WAPL: variants seen among roughly 807,000 people sequenced by gnomAD.
WAPL encodes wings apart-like protein homolog.
A neutral mutation model predicts 121.0 loss-of-function variants in WAPL; 5 were observed. That is an observed-to-expected ratio of 0.04 (90% CI 0.02 to 0.09). The LOEUF (loss-of-function observed/expected upper bound fraction) is 0.09. WAPL is among the 10% of genes least tolerant of loss of function. WAPL has a pLI of 1.00. For missense variants in WAPL, 999 were observed against 1,410.8 expected, an observed-to-expected ratio of 0.71 and a Z score of 4.68; for synonymous variants, 480 against 481.5, an observed-to-expected ratio of 1.00 and a Z score of 0.04.
chr10:86,476,452 G>GC (rs546277449), intron 4 of WAPL, among the ~76,000 whole-genome samples: 79 of 152,142 alleles, frequency 5.2e-4, no homozygotes, highest in African/African-American at 1.5e-3. Context: ...ACTTTGGGAG[G>GC]CCAAGGCAGG....
intron 4 of WAPL, among the ~76,000 whole-genome samples, chr10:86,475,913 G>A (rs1389713953): frequency 6.6e-6 from 1 of 152,324 alleles, no homozygotes; most frequent in African/African-American, 2.4e-5. Flanking sequence ...AGGCACAGTG[G>A]CTCATGCCAG....
At chr10:86,506,615 C>T (rs1436470026) in intron 2 of WAPL, among the ~76,000 whole-genome samples, 1 of 152,016 alleles carries the variant, frequency 6.6e-6, no homozygotes, top group Non-Finnish European at 1.5e-5. Flanking sequence ...AAGCAAGACT[C>T]TCTCTACAAA....
At chr10:86,482,073 G>A (rs1213451171) in intron 4 of WAPL, among the ~76,000 whole-genome samples, 1 of 152,196 alleles carries the variant, frequency 6.6e-6, no homozygotes, top group Non-Finnish European at 1.5e-5. Flanking sequence ...GCAGGGTGGA[G>A]TAGGGCAAGG....
chr10:86,462,634 T>A (rs993016181), intron 9 of WAPL, among the ~76,000 whole-genome samples: 2 of 150,322 alleles, frequency 1.3e-5, no homozygotes, highest in African/African-American at 4.9e-5. Context: ...GCAGGAGGAA[T>A]TGCTTGAACC....
At chr10:86,443,386 T>C in intron 16 of WAPL, 23 bp from the exon 17 acceptor site, 10 of 1,608,420 alleles carry the variant, frequency 6.2e-6, no homozygotes, top group Non-Finnish European at 8.5e-6. Context: ...AAGTAAAGAA[T>C]TGTAACAGTA....
intron 17 of WAPL, among the ~76,000 whole-genome samples, chr10:86,438,442 C>T (rs1435770515): frequency 3.9e-5 from 6 of 152,116 alleles, no homozygotes; most frequent in South Asian, 2.1e-4. Flanking sequence ...TTAGCAGAGA[C>T]GTGGTTTCAT....
At chr10:86,455,691 AAAAAAGAAAGAAAG>A (rs1376662580) in intron 12 of WAPL, among the ~76,000 whole-genome samples, 1 of 130,032 alleles carries the variant, frequency 7.7e-6, no homozygotes, top group Non-Finnish European at 1.8e-5. Flanking sequence ...ACTAAAAAAA[AAAAAAGAAAGAAAG>A]AAAAAAAAAG....
intron 17 of WAPL, among the ~76,000 whole-genome samples, chr10:86,439,803 CA>C (rs879469839): frequency 6.6e-6 from 1 of 152,160 alleles, no homozygotes; most frequent in Non-Finnish European, 1.5e-5. Flanking sequence ...GGAGGGGCAA[CA>C]AAGCAGGAAG....
intron 2 of WAPL, among the ~76,000 whole-genome samples, chr10:86,513,104 T>C (rs113409021): frequency 6.6e-6 from 1 of 152,124 alleles, no homozygotes; most frequent in Non-Finnish European, 1.5e-5. Flanking sequence ...TGGAGTGCAG[T>C]GGCACCACCT....
chr10:86,505,821 G>A (rs1231961753), intron 2 of WAPL, among the ~76,000 whole-genome samples: 2 of 152,120 alleles, frequency 1.3e-5, no homozygotes, highest in Middle Eastern at 3.2e-3. Flanking sequence ...GGCTATTGAA[G>A]AGCATGTTCT....
intron 2 of WAPL, 47 bp from the exon 3 acceptor site, chr10:86,500,790 A>T: frequency 7.1e-7 from 1 of 1,408,774 alleles, no homozygotes. Flanking sequence ...TATCAACATA[A>T]AAGTTAATAA....
intron 17 of WAPL, among the ~76,000 whole-genome samples, chr10:86,440,882 G>GAA (rs10661246): frequency 0.026 from 3,401 of 130,356 alleles, 170 homozygotes; most frequent in African/African-American, 0.089. Context: ...TACACAAAGT[G>GAA]AAAAAAAAAA....
At chr10:86,480,656 T>G (rs980042831) in intron 4 of WAPL, among the ~76,000 whole-genome samples, 4 of 152,196 alleles carry the variant, frequency 2.6e-5, no homozygotes, top group Non-Finnish European at 4.4e-5. Context: ...CACCTGTGAT[T>G]AGAGAATATC....
intron 12 of WAPL, among the ~76,000 whole-genome samples, chr10:86,457,485 T>A (rs942542722): frequency 6.6e-6 from 1 of 152,014 alleles, no homozygotes; most frequent in African/African-American, 2.4e-5. Context: ...AAACCCCGTC[T>A]CTGCTAAAAA....
In WAPL at chr10:86,500,210, C is replaced by A; in HGVS notation, c.1033G>T (p.Gly345Trp). ...NQAKKGGVSC[G>W]TSFRGTVGRT... Reference sequence around the variant, plus strand: ...CCAACTGTCCCTCTAAAACTGGTCCCACAACTTACACCCCCTTTCTTTGCC... The same window carrying A: ...CCAACTGTCCCTCTAAAACTGGTCCAACAACTTACACCCCCTTTCTTTGCC... The change falls in exon 3 of 19, where the codon GGG becomes TGG. Residue 345 changes from glycine to tryptophan, a missense_variant. Gly to Trp is a radical substitution (Grantham distance 184). This residue lies in a region of WAPL where 531 missense variants were observed against 563.1 expected (regional missense o/e 0.94). Coordinates refer to ENST00000298767, the MANE Select transcript of WAPL (RefSeq NM_015045.5). 1 of 1,614,168 alleles carries A rather than the reference C, an allele frequency of 6.2e-7. No individual in the cohort carries two copies. The highest frequency in any genetic ancestry group is 1.1e-5 in the South Asian group (1 of 91,078).
intron 15 of WAPL, among the ~76,000 whole-genome samples, chr10:86,447,496 C>T (rs186840512): frequency 0.08 from 12,126 of 151,888 alleles, 861 homozygotes; most frequent in East Asian, 0.38. Flanking sequence ...TGTTTCTGGA[C>T]ATATACAAAA....
chr10:86,469,561 T>C (rs1197473924), intron 8 of WAPL, among the ~76,000 whole-genome samples: 1 of 152,014 alleles, frequency 6.6e-6, no homozygotes, highest in East Asian at 1.9e-4. Flanking sequence ...GCCAGGACAC[T>C]CTACTTACAC....
At position 86,500,625 on chromosome 10, in the gene WAPL, T is replaced by C; in HGVS notation, c.618A>G (p.Glu206=). The change falls in exon 3 of 19, where the codon GAA becomes GAG. Residue 206 remains glutamate (E), a synonymous_variant. Transcript: ENST00000298767. Reference sequence around the variant, plus strand: ...ACTGGGAGTTCCAAGTATCATTTGTTTCCTTGATTTCAGAAGCCACTGTAG... The same window carrying C: ...ACTGGGAGTTCCAAGTATCATTTGTCTCCTTGATTTCAGAAGCCACTGTAG... ...AETTVASEIK[E]TNDTWNSQFG... is the part of the protein sequence containing the mutation. The C allele has an allele frequency of 6.2e-7, 1 of 1,614,166 alleles. No individual in the cohort carries two copies. Among genetic ancestry groups the C allele is most frequent in the African/African-American group, 1.3e-5 (1 of 75,058 alleles).
At chr10:86,451,206 T>A (rs1020447857) in intron 15 of WAPL, among the ~76,000 whole-genome samples, 3 of 151,984 alleles carry the variant, frequency 2.0e-5, no homozygotes, top group Non-Finnish European at 4.4e-5. Flanking sequence ...TCTCCCAAAG[T>A]GCTGGGATTA....
Sources: gnomAD v4.1 joint callset for allele counts (sites outside exome capture counted in the v4.1 genomes callset) on GRCh38, gnomAD v4.1.1 for gene constraint, gnomAD v4.1.1 regional missense constraint, MANE v1.5 for transcripts, NCBI Gene and HGNC (gene_info 2026-07-23, HGNC 2026-07-21) for gene names.